The following PRKCH variants were observed in gnomAD, a reference collection of about 807,000 sequenced individuals.
PRKCH encodes the protein protein kinase C eta type.
PRKCH carries 28 observed loss-of-function variants against 82.5 expected under a neutral mutation model. The observed-to-expected ratio is 0.34, with a 90% confidence interval of 0.25 to 0.47. PRKCH has a LOEUF of 0.47. Among genes scored for constraint, PRKCH ranks in the 20% least tolerant of loss-of-function variants. The pLI, the probability that PRKCH is intolerant of heterozygous loss-of-function variation, is 1.00. For missense variants in PRKCH, 705 were observed against 881.8 expected (o/e 0.80, Z 2.54); for synonymous variants, 322 against 327.4 (o/e 0.98, Z 0.18).
rs1463138659 is a variant in PRKCH, at chr14:61,280,551, C to G, written c.-19+92883C>G. The G allele has an allele frequency of 1.9e-6, 3 of 1,611,138 alleles. No individual in the cohort carries two copies. The highest frequency in any genetic ancestry group is 2.7e-5 in the African/African-American group (2 of 75,028). On this transcript the variant is annotated intron_variant, in intron 1 of 3. Transcript: ENST00000555185. The surrounding 1 kb of genome is among the most constrained non-coding windows in gnomAD (Gnocchi z 5.0). The stretch of plus-strand genomic sequence containing the variant: ...TGCGGAACTTGACGTGGTAGTCGGT[C>G]CACCAGGCGATGCCGGAGCGGTCGA...
intron 2 of PRKCH, among the ~76,000 whole-genome samples, chr14:61,429,185 C>G (rs1015178507): frequency 6.6e-6 from 1 of 152,190 alleles, no homozygotes; most frequent in Non-Finnish European, 1.5e-5. Context: ...GAAACTGGCT[C>G]CTACCCTCTT....
At chr14:61,391,440 C>T in intron 2 of PRKCH, 152 bp downstream of exon 2, 1 of 656,810 alleles carries the variant, frequency 1.5e-6, no homozygotes, top group Non-Finnish European at 2.4e-6. Context: ...TATTTTGTTG[C>T]CCAGTGGTCT....
At chr14:61,243,027 T>G (rs2044852747) in intron 1 of PRKCH, among the ~76,000 whole-genome samples, 1 of 152,112 alleles carries the variant, frequency 6.6e-6, no homozygotes, top group Admixed American at 6.5e-5. Flanking sequence ...CAGAGAAGTC[T>G]AGAAGACTAT....
chr14:61,390,044 G>C (rs920810899), intron 1 of PRKCH, among the ~76,000 whole-genome samples: 3 of 152,236 alleles, frequency 2.0e-5, no homozygotes, highest in Non-Finnish European at 2.9e-5. Context: ...GCCATGGGCA[G>C]AATCTGAAAA....
chr14:61,481,346 T>C (rs975271667), intron 9 of PRKCH, among the ~76,000 whole-genome samples: 6 of 152,154 alleles, frequency 3.9e-5, no homozygotes, highest in African/African-American at 1.4e-4. Context: ...AGCCAGCCGA[T>C]TTTCACTGTG....
intron 9 of PRKCH, among the ~76,000 whole-genome samples, chr14:61,479,398 G>A (rs1885867528): frequency 6.6e-6 from 1 of 152,002 alleles, no homozygotes; most frequent in African/African-American, 2.4e-5. Context: ...TTACCCATGC[G>A]GCCAGGCTGG....
chr14:61,193,493 TTAATG>T (rs1158676188), intron 1 of PRKCH, among the ~76,000 whole-genome samples: 1 of 152,074 alleles, frequency 6.6e-6, no homozygotes, highest in African/African-American at 2.4e-5. Context: ...TGTATTAAGA[TTAATG>T]TAAAGAGTGA....
rs1351476262 is a variant in PRKCH at position 61,280,509 on chromosome 14, G to A, written c.-19+92841G>A. ...CCTGGAAGGCCAACGCCAGGCTGCC[G>A]TTGACCAGCGGCGGGTTGCGGAACT... On this transcript the variant is annotated intron_variant, in intron 1 of 3. Coordinates refer to the PRKCH transcript ENST00000555185. The surrounding 1 kb of genome is among the most constrained non-coding windows in gnomAD (Gnocchi z 5.0). The A allele has an allele frequency of 6.2e-7, 1 of 1,612,848 alleles. No homozygotes were observed. Among genetic ancestry groups the A allele is most frequent in the Non-Finnish European group, 8.5e-7 (1 of 1,179,616 alleles).
intron 1 of PRKCH, among the ~76,000 whole-genome samples, chr14:61,370,310 A>G (rs1300234803): frequency 1.3e-5 from 2 of 152,122 alleles, no homozygotes; most frequent in Non-Finnish European, 2.9e-5. Flanking sequence ...TTGTTGGAGA[A>G]AAAGCGAAGG....
chr14:61,256,978 T>C (rs1741375845), intron 1 of PRKCH, among the ~76,000 whole-genome samples: 3 of 152,226 alleles, frequency 2.0e-5, no homozygotes, highest in Admixed American at 2.0e-4. Flanking sequence ...GCCATGTCTC[T>C]TTATGGAGAA....
intron 12 of PRKCH, among the ~76,000 whole-genome samples, chr14:61,534,587 T>G (rs2043083266): frequency 6.6e-6 from 1 of 152,220 alleles, no homozygotes; most frequent in Non-Finnish European, 1.5e-5. Flanking sequence ...AGTTTTGAAC[T>G]GTAATTATTT....
intron 1 of PRKCH, among the ~76,000 whole-genome samples, chr14:61,297,030 G>T (rs1266613599): frequency 6.6e-6 from 1 of 152,136 alleles, no homozygotes; most frequent in African/African-American, 2.4e-5. Flanking sequence ...TTTGAAGCTT[G>T]TAATGTATTA....
chr14:61,234,481 A>G (rs1253502951), intron 1 of PRKCH, among the ~76,000 whole-genome samples: 4 of 152,124 alleles, frequency 2.6e-5, no homozygotes, highest in East Asian at 1.9e-4. Flanking sequence ...AGGGGGGACA[A>G]TCCTTTAGTC....
chr14:61,228,158 C>T (rs2140057299), intron 1 of PRKCH, among the ~76,000 whole-genome samples: 1 of 152,212 alleles, frequency 6.6e-6, no homozygotes, highest in East Asian at 1.9e-4. Context: ...TCATGTCCAC[C>T]CTGGGTCACT....
intron 2 of PRKCH, among the ~76,000 whole-genome samples, chr14:61,428,726 GC>G (rs1883250650): frequency 6.6e-6 from 1 of 152,112 alleles, no homozygotes; most frequent in African/African-American, 2.4e-5. Flanking sequence ...CACCAAAAAT[GC>G]TTTAGTGGGA....
At chr14:61,257,635 A>C (rs1046623277) in intron 1 of PRKCH, among the ~76,000 whole-genome samples, 105 of 148,900 alleles carry the variant, frequency 7.1e-4, no homozygotes, top group Non-Finnish European at 1.0e-3. Flanking sequence ...ACACACCCCC[A>C]CACACACACA....
chr14:61,197,139 G>T lies in PRKCH; in HGVS notation c.-19+9471G>T, dbSNP rs111418164. Among the ~76,000 whole-genome samples, 587 of 152,230 alleles carry T rather than the reference G, an allele frequency of 3.9e-3. 4 individuals are homozygous for T. Among genetic ancestry groups the T allele is most frequent in the African/African-American group, 0.013 (554 of 41,534 alleles). On this transcript the variant is annotated intron_variant, in intron 1 of 3. Transcript: ENST00000555185. ...CCCATCCTTCAGAGCTCAGCTTAAG[G>T]TCCCTATACAAAGGCTTCCTCTGCC...
At chr14:61,250,928 T>A (rs2044940298) in intron 1 of PRKCH, among the ~76,000 whole-genome samples, 1 of 152,110 alleles carries the variant, frequency 6.6e-6, no homozygotes, top group South Asian at 2.1e-4. Flanking sequence ...TAGCATATTT[T>A]AAAAAAAGAT....
intron 1 of PRKCH, among the ~76,000 whole-genome samples, chr14:61,228,708 G>C (rs976835089): frequency 6.6e-6 from 1 of 151,824 alleles, no homozygotes; most frequent in South Asian, 2.1e-4. Context: ...AAAGCAGTTC[G>C]GGAAAGAGTT....
Sources: gnomAD v4.1 joint callset for allele counts (sites outside exome capture counted in the v4.1 genomes callset) on GRCh38, gnomAD v4.1.1 for gene constraint, Gnocchi (gnomAD v3.1) non-coding constraint, MANE v1.5 for transcripts, NCBI Gene and HGNC (gene_info 2026-07-23, HGNC 2026-07-21) for gene names.